CLUAP1: variants seen among roughly 807,000 people sequenced by gnomAD.
CLUAP1 encodes the protein intraflagellar transport 38.
CLUAP1 carries 50 observed loss-of-function variants against 55.0 expected under a neutral mutation model. The observed-to-expected ratio is 0.91, with a 90% CI of 0.72 to 1.15. The LOEUF (loss-of-function observed/expected upper bound fraction) is 1.15. Ranked by LOEUF, CLUAP1 falls within the 50% of genes most tolerant of loss-of-function variation. The pLI, the probability that CLUAP1 is intolerant of heterozygous loss-of-function variation, is 0.00. For synonymous variants in CLUAP1, 195 were observed against 175.4 expected (o/e 1.11, Z -0.88); for missense variants, 530 against 507.6 (o/e 1.04, Z -0.42).
chr16:3,526,189 G>T (rs540956296), intron 8 of CLUAP1, among the ~76,000 whole-genome samples: 1 of 152,154 alleles, frequency 6.6e-6, no homozygotes, highest in Non-Finnish European at 1.5e-5. Flanking sequence ...TTCACTCTGG[G>T]CGCCCCTGTC....
At position 3,538,879 on chromosome 16, in the gene CLUAP1, A is replaced by G. The variant is rs781184020; in HGVS notation, c.*2608A>G. 3 of 152,222 alleles carry G rather than the reference A, an allele frequency of 2.0e-5. No homozygotes were observed. The highest frequency in any genetic ancestry group is 4.4e-5 in the Non-Finnish European group (3 of 68,044). The allele number at this position is 152,222 out of a possible 1,614,324, so 9.4% of individuals were successfully genotyped here. A position where few individuals can be genotyped will look rare whatever the true frequency, so the allele number is the denominator to read the frequency against. On this transcript the variant is annotated 3_prime_UTR_variant, in exon 12 of 12. Coordinates refer to ENST00000576634, the MANE Select transcript of CLUAP1 (RefSeq NM_015041.3). ...ACCTGGCACCATTTGGTTTTGGCCA[A>G]GCAGCAGAGCAGACCTCAGGACCTA... is the stretch of plus-strand genomic sequence containing the variant.
At chr16:3,529,516 A>ATTATATATTATTATATG (rs1268734461) in intron 9 of CLUAP1, among the ~76,000 whole-genome samples, 1 of 65,660 alleles carries the variant, frequency 1.5e-5, no homozygotes, top group Non-Finnish European at 2.6e-5. Context: ...ATATTATATA[A>ATTATATATTATTATATG]TTATATATTA....
chr16:3,521,102 G>A (rs2037823727), intron 7 of CLUAP1, among the ~76,000 whole-genome samples: 1 of 151,534 alleles, frequency 6.6e-6, no homozygotes, highest in Non-Finnish European at 1.5e-5. Context: ...GCTCCTCCCT[G>A]CCCAGCGCAA....
At chr16:3,500,629 C>T (rs2037372374), upstream of CLUAP1, among the ~76,000 whole-genome samples, 1 of 152,202 alleles carries the variant, frequency 6.6e-6, no homozygotes, top group South Asian at 2.1e-4. Flanking sequence ...CCTCGGCATC[C>T]CAAAGTGCTG....
chr16:3,525,103 G>T (rs2037916113), intron 8 of CLUAP1, among the ~76,000 whole-genome samples: 1 of 152,230 alleles, frequency 6.6e-6, no homozygotes, highest in African/African-American at 2.4e-5. Flanking sequence ...TCTTGACGAG[G>T]AATTCATTGC....
In CLUAP1 at chr16:3,536,214, G is replaced by A; in HGVS notation, c.1185G>A (p.Lys395=). ...EDESISLSPT[K]PNRRVRKSEP... ...AGAGCATTTCTCTCTCACCAACCAA[G>A]CCCAATCGAAGGGTCCGGAAATCTG... The change falls in exon 12 of 12, where the codon AAG becomes AAA. Residue 395 remains lysine (K), a synonymous_variant. Transcript: ENST00000576634. The A allele has an allele frequency of 6.2e-7, 1 of 1,614,180 alleles. No individual in the cohort carries two copies.
chr16:3,534,027 C>T (rs2038182159), intron 11 of CLUAP1: 1 of 152,272 alleles, frequency 6.6e-6, no homozygotes, highest in South Asian at 2.1e-4. Context: ...CCTCCAGGCA[C>T]AGGGTTCCAT....
At chr16:3,529,816 TA>T (rs2038072982) in intron 9 of CLUAP1, among the ~76,000 whole-genome samples, 1 of 33,528 alleles carries the variant, frequency 3.0e-5, no homozygotes, top group African/African-American at 1.5e-4. Flanking sequence ...ATATATATTA[TA>T]ATATAATATA....
chr16:3,508,186 C>A, intron 3 of CLUAP1, 103 bp from the exon 4 acceptor site: 1 of 955,790 alleles, frequency 1.0e-6, no homozygotes, highest in Non-Finnish European at 1.6e-6. Context: ...TAGGTTATAT[C>A]CCAGTTGTCA....
rs1346909390 is a variant in CLUAP1, at chr16:3,525,451, C to T, written c.856-961C>T. Among the ~76,000 whole-genome samples, 3 of 152,064 alleles carry T rather than the reference C, an allele frequency of 2.0e-5. No homozygotes were observed. In the South Asian group the frequency reaches 6.2e-4, roughly 32 times the overall value. ...TCTGTCGTTAGAATACCTGTTCCCT[C>T]GAAATACCCCATGCCGGAAACACAG... On this transcript the variant is annotated intron_variant, in intron 8 of 11. Coordinates refer to ENST00000576634, the MANE Select transcript of CLUAP1 (RefSeq NM_015041.3).
intron 10 of CLUAP1, 82 bp from the exon 11 acceptor site, chr16:3,532,704 G>A: frequency 6.9e-7 from 1 of 1,459,640 alleles, no homozygotes; most frequent in East Asian, 2.3e-5. Flanking sequence ...AACATGCCTG[G>A]CCAGAAAACA....
At position 3,508,294 on chromosome 16, in the gene CLUAP1, C is replaced by G. The variant is rs1446704250; in HGVS notation, c.225C>G (p.Thr75=). ...TTTTTTTGGTCTAAAAATAGGCCAC[C>G]AAGGCACATATAAAACTCAACACTA... ...FIKAIAQFMA[T]KAHIKLNTKK... Residue 75 remains threonine (T), a synonymous_variant, in exon 4 of 12, where the codon ACC becomes ACG. Transcript: ENST00000576634. 2.5e-6 allele frequency: 4 copies of G among 1,591,172 alleles called. No individual in the cohort carries two copies. In the African/African-American group the frequency reaches 4.1e-5, roughly 16 times the overall value.
intron 4 of CLUAP1, among the ~76,000 whole-genome samples, chr16:3,510,143 C>A (rs1437194924): frequency 6.6e-6 from 1 of 152,108 alleles, no homozygotes; most frequent in Non-Finnish European, 1.5e-5. Flanking sequence ...TACAGGCATG[C>A]GCCACCACAC....
rs74423635 is a variant in CLUAP1 at position 3,526,737 on chromosome 16, T to G, written c.928+253T>G. Among the ~76,000 whole-genome samples, 616 of 152,296 alleles carry G rather than the reference T, an allele frequency of 4.0e-3. 7 individuals are homozygous for G. Among genetic ancestry groups the G allele is most frequent in the African/African-American group, 0.014 (588 of 41,558 alleles). On this transcript the variant is annotated intron_variant, in intron 9 of 11. Coordinates refer to ENST00000576634, the MANE Select transcript of CLUAP1 (RefSeq NM_015041.3). ...TCACAACTTCTATATTGGGTACCAT[T>G]GTATTCACTCAAGAGTCTGGTTTAA... is the stretch of plus-strand genomic sequence containing the variant.
intron 2 of CLUAP1, among the ~76,000 whole-genome samples, chr16:3,505,546 CAAAAAAAAAAA>C (rs1230388490): frequency 3.4e-5 from 2 of 59,618 alleles, no homozygotes; most frequent in Admixed American, 1.7e-4. Context: ...GACTCCGTCT[CAAAAAAAAAAA>C]AAAAAAAAAA....
chr16:3,529,880 AATTTAT>A (rs1428535211), intron 9 of CLUAP1, among the ~76,000 whole-genome samples: 1 of 87,894 alleles, frequency 1.1e-5, no homozygotes, highest in Non-Finnish European at 2.1e-5. Context: ...ATAATTTATA[AATTTAT>A]ATTTATAATT....
upstream of CLUAP1, chr16:3,496,768 C>T (rs1341168695): frequency 6.4e-6 from 3 of 467,574 alleles, no homozygotes; most frequent in Admixed American, 2.4e-5. Context: ...GCTACAAAAA[C>T]GAACCCTCTT....
chr16:3,517,561 C>T (rs2151054732), intron 6 of CLUAP1, among the ~76,000 whole-genome samples: 1 of 152,198 alleles, frequency 6.6e-6, no homozygotes, highest in Middle Eastern at 3.4e-3. Flanking sequence ...ATCCGCCCGC[C>T]TTGACCTCTC....
chr16:3,528,897 T>C (rs1297058851), intron 9 of CLUAP1, among the ~76,000 whole-genome samples: 1 of 152,184 alleles, frequency 6.6e-6, no homozygotes, highest in African/African-American at 2.4e-5. Context: ...TAATTTTAAT[T>C]GTCACTGTCA....
Sources: gnomAD v4.1 joint callset for allele counts (sites outside exome capture counted in the v4.1 genomes callset) on GRCh38, gnomAD v4.1.1 for gene constraint, MANE v1.5 for transcripts, NCBI Gene and HGNC (gene_info 2026-07-23, HGNC 2026-07-21) for gene names.